NCBP1: variants seen among roughly 807,000 people sequenced by gnomAD.
NCBP1 encodes the protein nuclear cap binding protein subunit 1.
Under a neutral mutation model 111.7 loss-of-function variants are expected in NCBP1, and 16 were observed. The observed-to-expected ratio is 0.14, with a 90% CI of 0.10 to 0.22. The LOEUF (loss-of-function observed/expected upper bound fraction) is 0.22. Ranked by LOEUF, NCBP1 falls within the 10% of genes least tolerant of loss-of-function variation. The pLI is 1.00. For synonymous variants in NCBP1, 304 were observed against 314.3 expected, an observed-to-expected ratio of 0.97 and a Z score of 0.35; for missense variants, 607 against 957.5, an observed-to-expected ratio of 0.63 and a Z score of 4.83.
At chr9:97,669,846 A>G (rs966790791) in intron 22 of NCBP1, 140 bp downstream of exon 22, 7 of 717,878 alleles carry the variant, frequency 9.8e-6, no homozygotes, top group African/African-American at 5.2e-5. Context: ...TGCTGCTACC[A>G]TTGCTCATCA....
Position 97,645,101 on chromosome 9 carries a change from T to C in NCBP1, c.382-16T>C. ...GAACATTTAGGTTTAATAGCAGAAA[T>C]TGTTTGCCCCAACAGGTCCGTTTTT... On this transcript the variant is annotated splice_polypyrimidine_tract_variant and intron_variant, in intron 4 of 22. Coordinates refer to ENST00000375147, the MANE Select transcript of NCBP1 (RefSeq NM_002486.5). The C allele has an allele frequency of 6.3e-7, 1 of 1,583,416 alleles. No homozygotes were observed. The highest frequency in any genetic ancestry group is 2.2e-5 in the East Asian group (1 of 44,650).
At position 97,673,649 on chromosome 9, in the gene NCBP1, C is replaced by G. The variant is rs1828264323; in HGVS notation, c.*2450C>G. 1 of 152,190 alleles carries G rather than the reference C, an allele frequency of 6.6e-6. No individual in the cohort carries two copies. The highest frequency in any genetic ancestry group is 1.5e-5 in the Non-Finnish European group (1 of 68,030). The allele number at this position is 152,190 out of a possible 1,614,324, so 9.4% of individuals were successfully genotyped here. ...AGTTGCTGTCCCCAGTAATGAAGTTCATACAGACAAAAGATGGCATGTCAC... is the reference window on the plus strand; with the variant it reads ...AGTTGCTGTCCCCAGTAATGAAGTTGATACAGACAAAAGATGGCATGTCAC... On this transcript the variant is annotated 3_prime_UTR_variant, in exon 23 of 23. Transcript: ENST00000375147.
chr9:97,656,961 TTTTTG>T (rs112887184), intron 14 of NCBP1, among the ~76,000 whole-genome samples: 5 of 152,098 alleles, frequency 3.3e-5, no homozygotes, highest in Admixed American at 6.5e-5. Context: ...TGGAGTGTTT[TTTTTG>T]TTTTGTTTTG....
Position 97,643,351 on chromosome 9 carries a change from C to T in NCBP1, c.372C>T (p.Ala124=), listed in dbSNP as rs138168987. The T allele has an allele frequency of 4.6e-5, 74 of 1,594,072 alleles. No homozygotes were observed. Among genetic ancestry groups the T allele is most frequent in the African/African-American group, 4.5e-4 (33 of 73,566 alleles). ...TGAAAGCAAACAATTATAATGAAGC[C>T]GTGTATTTGGTAAGTTAGTTTGTTT... ...ESLKANNYNE[A]VYLVRFLSDL... is the part of the protein sequence containing the mutation. Residue 124 remains alanine, a synonymous_variant, in exon 4 of 23, where the codon GCC becomes GCT. Transcript: ENST00000375147.
At chr9:97,668,307 A>G (rs375650111) in intron 20 of NCBP1, among the ~76,000 whole-genome samples, 6 of 152,216 alleles carry the variant, frequency 3.9e-5, no homozygotes, top group Non-Finnish European at 7.3e-5. Context: ...ATTAAATTCT[A>G]TAAACTCTTC....
chr9:97,651,015 T>C (rs1827482644), intron 9 of NCBP1, among the ~76,000 whole-genome samples: 1 of 152,130 alleles, frequency 6.6e-6, no homozygotes. Flanking sequence ...GAATATAGTA[T>C]TATGAGAGTG....
chr9:97,643,318 A>G lies in NCBP1; in HGVS notation c.339A>G (p.Lys113=), dbSNP rs1168495889. ...TAGAAGCCATGATTCGTCAACTTAA[A>G]GAATCATTGAAAGCAAACAATTATA... ...EFVEAMIRQL[K]ESLKANNYNE... The change falls in exon 4 of 23, where the codon AAA becomes AAG. Residue 113 remains lysine, a synonymous_variant. Coordinates refer to ENST00000375147, the MANE Select transcript of NCBP1 (RefSeq NM_002486.5). 3.1e-6 allele frequency: 5 copies of G among 1,607,396 alleles called. No individual in the cohort carries two copies. The highest frequency in any genetic ancestry group is 4.2e-6 in the Non-Finnish European group (5 of 1,178,132).
intron 17 of NCBP1, 57 bp downstream of exon 17, chr9:97,662,201 AGTG>A (rs1827859578): frequency 1.6e-6 from 2 of 1,235,380 alleles, no homozygotes; most frequent in Admixed American, 1.7e-5. Context: ...GGTGAACACC[AGTG>A]GTATGGTAAT....
At chr9:97,656,936 A>G (rs949267434) in intron 14 of NCBP1, among the ~76,000 whole-genome samples, 1 of 152,074 alleles carries the variant, frequency 6.6e-6, no homozygotes, top group Non-Finnish European at 1.5e-5. Context: ...CAACACCTGT[A>G]TTTCCTGTCT....
At chr9:97,664,858 T>C (rs1008030211) in intron 19 of NCBP1, among the ~76,000 whole-genome samples, 2 of 152,154 alleles carry the variant, frequency 1.3e-5, no homozygotes, top group Admixed American at 6.5e-5. Flanking sequence ...GAGTAAATCA[T>C]GGAGGGATCC....
At chr9:97,639,211 TTCAG>T (rs1827134445) in intron 1 of NCBP1, among the ~76,000 whole-genome samples, 1 of 152,144 alleles carries the variant, frequency 6.6e-6, no homozygotes, top group Admixed American at 6.6e-5. Flanking sequence ...TCAGTGGACA[TTCAG>T]TCAGGTTATC....
At chr9:97,639,353 C>G (rs1429736451) in intron 1 of NCBP1, among the ~76,000 whole-genome samples, 1 of 152,118 alleles carries the variant, frequency 6.6e-6, no homozygotes, top group East Asian at 1.9e-4. Flanking sequence ...CATGTGGTAT[C>G]TGAAGATCAT....
In NCBP1 at chr9:97,667,569, T is replaced by C. The variant is rs963554890; in HGVS notation, c.2016+692T>C. On this transcript the variant is annotated intron_variant, in intron 20 of 22. Transcript: ENST00000375147. ...GTGTCATCTCATTTTGTAGATGTTATAAAGTGAGACATAGAGAAGTTAAGT... is the reference window on the plus strand; with the variant it reads ...GTGTCATCTCATTTTGTAGATGTTACAAAGTGAGACATAGAGAAGTTAAGT... 3.3e-5 allele frequency among the ~76,000 whole-genome samples: 5 copies of C among 152,298 alleles called. No homozygotes were observed. In the South Asian group the frequency reaches 6.2e-4, roughly 19 times the overall value.
At chr9:97,665,663 C>T (rs1360429970) in intron 19 of NCBP1, among the ~76,000 whole-genome samples, 2 of 152,150 alleles carry the variant, frequency 1.3e-5, no homozygotes, top group Non-Finnish European at 2.9e-5. Flanking sequence ...TTATTATCTT[C>T]CACTTAAACT....
rs1013240715 is a variant in NCBP1 at position 97,671,401 on chromosome 9, A to G, written c.*202A>G. 18 of 516,822 alleles carry G rather than the reference A, an allele frequency of 3.5e-5. No individual in the cohort carries two copies. The highest frequency in any genetic ancestry group is 5.5e-5 in the Non-Finnish European group (16 of 289,400). The allele number at this position is 516,822 out of a possible 1,614,324, so 32.0% of individuals were successfully genotyped here. A position where few individuals can be genotyped will look rare whatever the true frequency, so the allele number is the denominator to read the frequency against. ...ACTTCCTAACGGCAGTAATGTGACT[A>G]TGACCATGATATATTATATATGTGA... On this transcript the variant is annotated 3_prime_UTR_variant, in exon 23 of 23. Transcript: ENST00000375147.
chr9:97,652,120 C>T lies in NCBP1; in HGVS notation c.1059+747C>T, dbSNP rs542858191. ...CGGGGTTCAAGCAATTCTTCTGCCT[C>T]AGCCTCCTGAGTAGCTGGAACTACA... On this transcript the variant is annotated intron_variant, in intron 10 of 22. Transcript: ENST00000375147. 2.6e-5 allele frequency among the ~76,000 whole-genome samples: 4 copies of T among 152,332 alleles called. No individual in the cohort carries two copies. The South Asian group carries it at 8.3e-4, about 32-fold the overall frequency.
At chr9:97,670,078 A>C in intron 22 of NCBP1, 1 of 327,704 alleles carries the variant, frequency 3.1e-6, no homozygotes, top group Non-Finnish European at 6.0e-6. Flanking sequence ...ACCCGTCACT[A>C]CTCCTGCCTG....
In NCBP1 at chr9:97,653,851, G is replaced by A. The variant is rs1827565662; in HGVS notation, c.1113G>A (p.Met371Ile). The change falls in exon 11 of 23, where the codon ATG becomes ATA. Residue 371 changes from methionine (M) to isoleucine (I), a missense_variant. This residue lies in a region of NCBP1 where 33 missense variants were observed against 46.5 expected (regional missense o/e 0.71). Coordinates refer to ENST00000375147, the MANE Select transcript of NCBP1 (RefSeq NM_002486.5). Reference protein sequence around the residue: ...QLPAPPHIDVMYTTLLIELCK... With the variant: ...QLPAPPHIDVIYTTLLIELCK... ...CAGCACCCCCTCACATTGATGTGAT[G>A]TACACAACACTCCTCATTGAACTGT... 6.2e-7 allele frequency: 1 copy of A among 1,613,928 alleles called. No homozygotes were observed. Among genetic ancestry groups the A allele is most frequent in the East Asian group, 2.2e-5 (1 of 44,868 alleles).
chr9:97,664,941 G>A (rs1425187136), intron 19 of NCBP1, among the ~76,000 whole-genome samples: 6 of 152,162 alleles, frequency 3.9e-5, no homozygotes, highest in Non-Finnish European at 7.3e-5. Context: ...ATAATCTTAG[G>A]TTTAATGCAG....
Sources: allele counts gnomAD v4.1 joint callset (sites outside exome capture counted in the v4.1 genomes callset), GRCh38; gene constraint gnomAD v4.1.1; regional missense constraint gnomAD v4.1.1; transcripts MANE v1.5; gene names NCBI Gene and HGNC (gene_info 2026-07-23, HGNC 2026-07-21).